The following ADGRA2 variants were observed in gnomAD, a reference collection of about 807,000 sequenced individuals.
The protein encoded by ADGRA2 is adhesion G protein-coupled receptor A2.
ADGRA2 carries 61 observed loss-of-function variants against 98.7 expected under a neutral mutation model. That is an observed-to-expected ratio of 0.62 (90% CI 0.50 to 0.76). The LOEUF (loss-of-function observed/expected upper bound fraction) is 0.76, where lower values mean the gene tolerates loss of function less well. ADGRA2 is among the 30% of genes least tolerant of loss of function. The probability of loss-of-function intolerance (pLI) is 0.00; values close to 1 mark genes in which losing one functional copy is unlikely to be tolerated. For missense variants in ADGRA2, 1,712 were observed against 1,860.0 expected, an observed-to-expected ratio of 0.92 and a Z score of 1.46; for synonymous variants, 858 against 831.5, an observed-to-expected ratio of 1.03 and a Z score of -0.55.
rs370923513 is a variant in ADGRA2, at chr8:37,833,303, C to T, written c.1296+95C>T. On this transcript the variant is annotated intron_variant, in intron 9 of 18. Coordinates refer to ENST00000412232, the MANE Select transcript of ADGRA2 (RefSeq NM_032777.10). ...GGGCAAGGGGAGCCCTATCTCCGGG[C>T]CGCTGGGCTGTGCCTCCTGTTCCTG... 1.3e-4 allele frequency: 132 copies of T among 1,011,120 alleles called. 1 individual carries two copies. The highest frequency in any genetic ancestry group is 5.5e-4 in the East Asian group (21 of 38,300). The allele number at this position is 1,011,120 out of a possible 1,614,324, so 62.6% of individuals were successfully genotyped here.
rs575905885 is a variant in ADGRA2, at chr8:37,834,550, C to T, written c.1608+422C>T. ...AAGATATTGTGCTAGGCCCTTGGGG[C>T]GATGCAAAGGGGTGAGACATGGAGC... On this transcript the variant is annotated intron_variant, in intron 11 of 18. Transcript: ENST00000412232. This position sits in a 1 kb window ranked among gnomAD's most constrained non-coding sequence, Gnocchi z 4.2. Among the ~76,000 whole-genome samples, 13 of 152,216 alleles carry T rather than the reference C, an allele frequency of 8.5e-5. No homozygotes were observed. The East Asian group carries it at 1.7e-3, about 20-fold the overall frequency.
At chr8:37,828,805 G>A (rs549216152) in intron 2 of ADGRA2, 83 bp from the exon 3 acceptor site, 50 of 1,054,332 alleles carry the variant, frequency 4.7e-5, no homozygotes, top group African/African-American at 4.0e-4. Context: ...CAACAACACC[G>A]TGGTGACAGT....
At position 37,833,715 on chromosome 8, in the gene ADGRA2, A is replaced by G; in HGVS notation, c.1324A>G (p.Thr442Ala). 6.2e-7 allele frequency: 1 copy of G among 1,613,964 alleles called. No individual in the cohort carries two copies. ...LMPINASNAL[T>A]LAHQLRVYTA... Reference sequence around the variant, plus strand: ...GCCCATCAATGCCTCCAATGCGCTGACCCTGGCTCACCAGCTGCGCGTGTA... The same window carrying G: ...GCCCATCAATGCCTCCAATGCGCTGGCCCTGGCTCACCAGCTGCGCGTGTA... The change falls in exon 10 of 19, where the codon ACC becomes GCC. Residue 442 changes from threonine to alanine, a missense_variant. Physicochemically the swap from Thr to Ala is moderately conservative, Grantham distance 58. Coordinates refer to ENST00000412232, the MANE Select transcript of ADGRA2 (RefSeq NM_032777.10).
At chr8:37,822,265 C>T (rs1805147457) in intron 2 of ADGRA2, among the ~76,000 whole-genome samples, 1 of 152,082 alleles carries the variant, frequency 6.6e-6, no homozygotes, top group South Asian at 2.1e-4. Context: ...CTTGTAGGCC[C>T]AGGGAAGGCT....
chr8:37,836,076 CACACACACACACACACACACA>C (rs1805605321), intron 13 of ADGRA2, among the ~76,000 whole-genome samples: 2 of 150,942 alleles, frequency 1.3e-5, no homozygotes, highest in African/African-American at 2.5e-5. Flanking sequence ...CACACACACA[CACACACACACACACACACACA>C]CCCCACAGGC....
chr8:37,818,039 T>C (rs1374432112), intron 2 of ADGRA2, among the ~76,000 whole-genome samples: 1 of 151,974 alleles, frequency 6.6e-6, no homozygotes, highest in Non-Finnish European at 1.5e-5. Context: ...AATAAATAAA[T>C]AGAAATAAAA....
rs1480674242 is a variant in ADGRA2 at position 37,842,225 on chromosome 8, C to A, written c.3887C>A (p.Pro1296Gln). ...AAGGAGAGCCATCGCCGCTCGTACCCGCTCAACGCCGCCAGCCTAAACGGC... is the reference window on the plus strand; with the variant it reads ...AAGGAGAGCCATCGCCGCTCGTACCAGCTCAACGCCGCCAGCCTAAACGGC... ...LEKESHRRSY[P>Q]LNAASLNGAP... The change falls in exon 19 of 19, where the codon CCG becomes CAG. Residue 1296 changes from proline (P) to glutamine (Q), a missense_variant. Transcript: ENST00000412232. The A allele has an allele frequency of 5.2e-6, 8 of 1,548,338 alleles. No homozygotes were observed. The African/African-American group carries it at 8.2e-5, about 16-fold the overall frequency.
chr8:37,833,192 T>C lies in ADGRA2; in HGVS notation c.1280T>C (p.Leu427Pro). ...CLYTNDITRV[L>P]YTFVLMPINA... The stretch of plus-strand genomic sequence containing the variant: ...TACACCAACGACATCACCAGGGTGC[T>C]GTACACCTTCGTGCTGGTGAGGAGA... Residue 427 changes from leucine (L) to proline (P), a missense_variant, in exon 9 of 19, where the codon CTG becomes CCG. By Grantham distance (98) the Leu-to-Pro change is moderately conservative (BLOSUM62 -3). Coordinates refer to ENST00000412232, the MANE Select transcript of ADGRA2 (RefSeq NM_032777.10). 4.3e-6 allele frequency: 7 copies of C among 1,612,100 alleles called. No homozygotes were observed. The highest frequency in any genetic ancestry group is 5.9e-6 in the Non-Finnish European group (7 of 1,179,344).
intron 1 of ADGRA2, among the ~76,000 whole-genome samples, chr8:37,798,325 G>A (rs930208323): frequency 6.6e-6 from 1 of 152,232 alleles, no homozygotes; most frequent in Non-Finnish European, 1.5e-5. Context: ...GGGGAAGCGG[G>A]GTTCCCTCAC....
At chr8:37,799,323 C>G (rs554571313) in intron 1 of ADGRA2, among the ~76,000 whole-genome samples, 2 of 151,364 alleles carry the variant, frequency 1.3e-5, no homozygotes, top group South Asian at 4.2e-4. Context: ...TGCAGTGAGC[C>G]GCGATCACGC....
intron 15 of ADGRA2, 152 bp downstream of exon 15, chr8:37,839,235 C>A: frequency 8.0e-7 from 1 of 1,247,096 alleles, no homozygotes; most frequent in Non-Finnish European, 1.2e-6. Flanking sequence ...AACCTCCCAG[C>A]ATGGGTGCAG....
chr8:37,808,763 G>C (rs1165442707), intron 1 of ADGRA2, among the ~76,000 whole-genome samples: 1 of 152,072 alleles, frequency 6.6e-6, no homozygotes, highest in African/African-American at 2.4e-5. Flanking sequence ...ACTAGCCTGG[G>C]TAACATAGTG....
At position 37,830,628 on chromosome 8, in the gene ADGRA2, C is replaced by CCA; in HGVS notation, c.719-81_719-80dup. The CCA allele has an allele frequency of 8.4e-6, 6 of 711,442 alleles. No individual in the cohort carries two copies. The highest frequency in any genetic ancestry group is 1.7e-5 in the African/African-American group (1 of 57,486). 44.1% of individuals were successfully genotyped at this position (711,442 alleles called of 1,614,324 possible). On this transcript the variant is annotated intron_variant, in intron 6 of 18. Transcript: ENST00000412232. The surrounding 1 kb of genome is among the most constrained non-coding windows in gnomAD (Gnocchi z 4.8). ...GCCGAGGGCCCCGCCCCGCCCCACC[C>CCA]CATCCTGCTGGACTCTCGCTCACAC...
chr8:37,836,183 A>G (rs1279853240), intron 13 of ADGRA2, among the ~76,000 whole-genome samples: 1 of 151,944 alleles, frequency 6.6e-6, no homozygotes, highest in Non-Finnish European at 1.5e-5. Flanking sequence ...GAATAAAAAC[A>G]TCTAGGCCAT....
Position 37,835,210 on chromosome 8 carries a change from A to G in ADGRA2, c.1645A>G (p.Lys549Glu). The G allele has an allele frequency of 6.2e-7, 1 of 1,613,972 alleles. No individual in the cohort carries two copies. Among genetic ancestry groups the G allele is most frequent in the Non-Finnish European group, 8.5e-7 (1 of 1,179,970 alleles). The change falls in exon 12 of 19, where the codon AAG becomes GAG. Residue 549 changes from lysine to glutamate, a missense_variant. By Grantham distance (56) the Lys-to-Glu change is moderately conservative. Transcript: ENST00000412232. The stretch of plus-strand genomic sequence containing the variant: ...CGTGGCATTGGAGGCCTACCTCATC[A>G]AGCCGCACAGCTACGTGGGCCTGAC... ...RNVALEAYLI[K>E]PHSYVGLTCT...
intron 1 of ADGRA2, among the ~76,000 whole-genome samples, chr8:37,811,592 T>C (rs974025183): frequency 2.0e-5 from 3 of 149,430 alleles, no homozygotes; most frequent in African/African-American, 7.4e-5. Context: ...TTCTCCTGCC[T>C]CAGCCCTCCA....
intron 9 of ADGRA2, 64 bp from the exon 10 acceptor site, chr8:37,833,624 C>G: frequency 6.4e-7 from 1 of 1,559,804 alleles, no homozygotes; most frequent in Non-Finnish European, 8.8e-7. Context: ...CAGAGGGTCC[C>G]CAGGGGCAGT....
intron 16 of ADGRA2, 97 bp downstream of exon 16, chr8:37,839,719 C>A: frequency 1.4e-6 from 2 of 1,470,238 alleles, no homozygotes; most frequent in South Asian, 1.2e-5. Context: ...AAGGCTGGTG[C>A]TCATAGGCCG....
chr8:37,816,527 G>C (rs1023149057), intron 2 of ADGRA2, among the ~76,000 whole-genome samples: 1 of 151,690 alleles, frequency 6.6e-6, no homozygotes, highest in African/African-American at 2.4e-5. Flanking sequence ...GGGAAGCCAA[G>C]GTTGCAGTAA....
Sources: gnomAD v4.1 joint callset for allele counts (sites outside exome capture counted in the v4.1 genomes callset) on GRCh38, gnomAD v4.1.1 for gene constraint, Gnocchi (gnomAD v3.1) non-coding constraint, MANE v1.5 for transcripts, NCBI Gene and HGNC (gene_info 2026-07-23, HGNC 2026-07-21) for gene names.